The following RET variants were observed in gnomAD, a reference collection of about 807,000 sequenced individuals.
RET encodes ret proto-oncogene.
RET carries 19 observed loss-of-function variants against 118.3 expected under a neutral mutation model. The observed-to-expected ratio is 0.16, with a 90% confidence interval of 0.11 to 0.24. RET has a LOEUF of 0.24. Among genes scored for constraint, RET ranks in the 10% least tolerant of loss-of-function variants. The pLI, the probability that RET is intolerant of heterozygous loss-of-function variation, is 1.00. For synonymous variants in RET, 597 were observed against 644.1 expected (o/e 0.93, Z 1.11); for missense variants, 1,219 against 1,502.1 (o/e 0.81, Z 3.12).
intron 1 of RET, among the ~76,000 whole-genome samples, chr10:43,099,358 A>G (rs1837585537): frequency 6.6e-6 from 1 of 151,982 alleles, no homozygotes; most frequent in Non-Finnish European, 1.5e-5. Context: ...AAGAAAATAC[A>G]AAATTAGCTG....
intron 4 of RET, 28 bp downstream of exon 4, chr10:43,105,221 C>T (rs1475783503): frequency 1.2e-6 from 2 of 1,612,118 alleles, no homozygotes; most frequent in Non-Finnish European, 1.7e-6. Context: ...CTGTGGTCTA[C>T]CCAGTGTCTG....
At chr10:43,098,260 C>T (rs1461815190) in intron 1 of RET, among the ~76,000 whole-genome samples, 1 of 152,172 alleles carries the variant, frequency 6.6e-6, no homozygotes, top group African/African-American at 2.4e-5. Context: ...CCCCCAAGCC[C>T]TAGCAATCAC....
chr10:43,080,767 T>C lies in RET; in HGVS notation c.73+3436T>C, dbSNP rs1837162054. Among the ~76,000 whole-genome samples the C allele has an allele frequency of 2.0e-5, 3 of 152,156 alleles. No homozygotes were observed. The South Asian group carries it at 6.2e-4, about 32-fold the overall frequency. On this transcript the variant is annotated intron_variant, in intron 1 of 19. Transcript: ENST00000355710. ...AGTTGATGTCTGGGAGTCCTATGGG[T>C]CTGGGGAGGAGCACCAGGCATGGCT... is the stretch of plus-strand genomic sequence containing the variant.
chr10:43,126,212 G>T (rs538776628), intron 18 of RET, among the ~76,000 whole-genome samples: 1 of 152,242 alleles, frequency 6.6e-6, no homozygotes, highest in Non-Finnish European at 1.5e-5. Flanking sequence ...GGCTGGTTCC[G>T]TGCTGCCCAT....
intron 1 of RET, among the ~76,000 whole-genome samples, chr10:43,082,321 C>T (rs1837202818): frequency 6.6e-6 from 1 of 152,170 alleles, no homozygotes; most frequent in South Asian, 2.1e-4. Flanking sequence ...GAGCAGGTGG[C>T]CAGCTCCAAG....
At chr10:43,118,703 C>T (rs1838133088) in intron 13 of RET, among the ~76,000 whole-genome samples, 1 of 152,264 alleles carries the variant, frequency 6.6e-6, no homozygotes, top group African/African-American at 2.4e-5. Context: ...GCTAGCGGCA[C>T]TCCCTGGGCC....
chr10:43,086,587 A>C (rs746342508), intron 1 of RET, among the ~76,000 whole-genome samples: 26 of 152,238 alleles, frequency 1.7e-4, no homozygotes, highest in Admixed American at 3.3e-4. Flanking sequence ...CCTGCAGCCA[A>C]GGGGGCCAGT....
At chr10:43,108,138 G>A (rs1246522858) in intron 5 of RET, among the ~76,000 whole-genome samples, 1 of 151,330 alleles carries the variant, frequency 6.6e-6, no homozygotes, top group Non-Finnish European at 1.5e-5. Context: ...TTGAGTCCAG[G>A]AGTTCGAGAC....
At chr10:43,120,007 G>C (rs1044554212) in intron 14 of RET, 74 bp from the exon 15 acceptor site, 1 of 1,597,156 alleles carries the variant, frequency 6.3e-7, no homozygotes, top group African/African-American at 1.3e-5. Context: ...CCCCTCTGCT[G>C]GTCACACCAG....
rs554634000 is a variant in RET, at chr10:43,127,623, T to A, written c.3188-489T>A. 192 of 393,354 alleles carry A rather than the reference T, an allele frequency of 4.9e-4. 1 individual carries two copies. The South Asian group carries it at 7.2e-3, about 15-fold the overall frequency. 24.4% of individuals were successfully genotyped at this position (393,354 alleles called of 1,614,324 possible). On this transcript the variant is annotated intron_variant, in intron 19 of 19. Transcript: ENST00000355710. ...ACTCACTGACTCCTCACTGGCTTTGTGTCTAGTGCCACACTCCATTTGTGC... is the reference window on the plus strand; with the variant it reads ...ACTCACTGACTCCTCACTGGCTTTGAGTCTAGTGCCACACTCCATTTGTGC...
chr10:43,111,107 G>A (rs540156717), intron 6 of RET, 100 bp from the exon 7 acceptor site: 23 of 1,561,264 alleles, frequency 1.5e-5, no homozygotes, highest in East Asian at 2.3e-5. Context: ...GGCCCAGTTG[G>A]GGGCTGTTCC....
chr10:43,083,514 G>A (rs1386563088), intron 1 of RET, among the ~76,000 whole-genome samples: 1 of 152,210 alleles, frequency 6.6e-6, no homozygotes, highest in Non-Finnish European at 1.5e-5. Flanking sequence ...CAAGAAGCCT[G>A]AGGCTTAAGG....
intron 12 of RET, among the ~76,000 whole-genome samples, chr10:43,117,130 G>A (rs1229997883): frequency 6.6e-6 from 1 of 152,232 alleles, no homozygotes; most frequent in East Asian, 1.9e-4. Flanking sequence ...TGTCTGGCCT[G>A]CATGCCCAGT....
intron 1 of RET, among the ~76,000 whole-genome samples, chr10:43,086,574 A>G (rs1837292937): frequency 6.6e-6 from 1 of 152,212 alleles, no homozygotes; most frequent in African/African-American, 2.4e-5. Context: ...CAGACTCTAC[A>G]GCCCTGCAGC....
At chr10:43,095,605 A>T (rs971662385) in intron 1 of RET, among the ~76,000 whole-genome samples, 9 of 152,216 alleles carry the variant, frequency 5.9e-5, no homozygotes, top group Non-Finnish European at 1.3e-4. Flanking sequence ...GAACATTGGA[A>T]ACAGTCTAGC....
At chr10:43,116,767 A>C (rs1302917958) in intron 12 of RET, 36 bp downstream of exon 12, 2 of 1,084,182 alleles carry the variant, frequency 1.8e-6, no homozygotes, top group Non-Finnish European at 1.4e-6. Context: ...CCCCTGGGGG[A>C]GTCTCCGGGG....
intron 1 of RET, among the ~76,000 whole-genome samples, chr10:43,081,264 C>T (rs1337955040): frequency 2.0e-5 from 3 of 151,970 alleles, no homozygotes; most frequent in Non-Finnish European, 4.4e-5. Context: ...GCTGTGCCCT[C>T]TATCTCCCCA....
chr10:43,121,415 A>T (rs184172961), intron 15 of RET, among the ~76,000 whole-genome samples: 1 of 152,260 alleles, frequency 6.6e-6, no homozygotes, highest in Admixed American at 6.5e-5. Context: ...CCCAGCACTG[A>T]TGAGGGATGT....
intron 1 of RET, among the ~76,000 whole-genome samples, chr10:43,084,324 C>T (rs1837246019): frequency 6.6e-6 from 1 of 152,226 alleles, no homozygotes; most frequent in Non-Finnish European, 1.5e-5. Flanking sequence ...GTTACATTCC[C>T]AAGGGTTACA....
Sources: allele counts gnomAD v4.1 joint callset (sites outside exome capture counted in the v4.1 genomes callset), GRCh38; gene constraint gnomAD v4.1.1; transcripts MANE v1.5; gene names NCBI Gene and HGNC (gene_info 2026-07-23, HGNC 2026-07-21).